DNAH5: variants seen among roughly 807,000 people sequenced by gnomAD.
The protein encoded by DNAH5 is dynein axonemal heavy chain 5, also known as axonemal beta dynein heavy chain 5.
Under a neutral mutation model 518.2 loss-of-function variants are expected in DNAH5, and 372 were observed. That is an observed-to-expected ratio of 0.72 (90% CI 0.66 to 0.78). The LOEUF (loss-of-function observed/expected upper bound fraction) is 0.78. Among genes scored for constraint, DNAH5 ranks in the 30% least tolerant of loss-of-function variants. DNAH5 has a pLI of 0.00. For synonymous variants in DNAH5, 2,039 were observed against 2,025.9 expected, an observed-to-expected ratio of 1.01 and a Z score of -0.17; for missense variants, 5,523 against 5,687.0, an observed-to-expected ratio of 0.97 and a Z score of 0.93.
At chr5:13,737,697 G>C (rs1365868854) in intron 65 of DNAH5, among the ~76,000 whole-genome samples, 1 of 152,028 alleles carries the variant, frequency 6.6e-6, no homozygotes, top group East Asian at 1.9e-4. Flanking sequence ...GGCAGAGGCG[G>C]GTGGATCATT....
chr5:13,782,867 G>T (rs1434245273), intron 52 of DNAH5, among the ~76,000 whole-genome samples: 1 of 152,116 alleles, frequency 6.6e-6, no homozygotes. Context: ...GGGCTATTTT[G>T]TCCTGTTATA....
chr5:13,775,587 CT>C (rs2126806349), intron 55 of DNAH5, among the ~76,000 whole-genome samples: 1 of 152,182 alleles, frequency 6.6e-6, no homozygotes, highest in African/African-American at 2.4e-5. Flanking sequence ...ATCCCACTAA[CT>C]TTTTCCACCT....
intron 65 of DNAH5, among the ~76,000 whole-genome samples, chr5:13,748,144 C>T (rs1296204880): frequency 1.3e-5 from 2 of 152,134 alleles, no homozygotes; most frequent in African/African-American, 4.8e-5. Flanking sequence ...GAATCCTTTC[C>T]CCATTGCTTG....
At chr5:13,964,647 C>T (rs1781412148) in intron 1 of DNAH5, among the ~76,000 whole-genome samples, 1 of 152,150 alleles carries the variant, frequency 6.6e-6, no homozygotes, top group South Asian at 2.1e-4. Flanking sequence ...GATCAGTGGA[C>T]CCGAGTAAAG....
At chr5:13,935,055 G>C (rs1460705427) in intron 1 of DNAH5, among the ~76,000 whole-genome samples, 1 of 152,134 alleles carries the variant, frequency 6.6e-6, no homozygotes, top group Admixed American at 6.5e-5. Context: ...AGGTCAACCA[G>C]GGAGCCAGGA....
At chr5:14,010,062 T>C (rs1785006161) in intron 1 of DNAH5, among the ~76,000 whole-genome samples, 1 of 152,226 alleles carries the variant, frequency 6.6e-6, no homozygotes, top group Non-Finnish European at 1.5e-5. Context: ...TTCTGCTTTC[T>C]ATAGATATTT....
intron 1 of DNAH5, among the ~76,000 whole-genome samples, chr5:13,934,548 T>C (rs1459921316): frequency 2.0e-5 from 3 of 152,166 alleles, no homozygotes; most frequent in Non-Finnish European, 4.4e-5. Context: ...ATGCTGAATA[T>C]AAACTACTTT....
intron 72 of DNAH5, among the ~76,000 whole-genome samples, chr5:13,718,628 G>A (rs1679579702): frequency 6.6e-6 from 1 of 152,050 alleles, no homozygotes; most frequent in Admixed American, 6.6e-5. Context: ...TATTAATTAT[G>A]TCTAGCTGGA....
chr5:13,841,905 CTA>C lies in DNAH5; in HGVS notation c.5272-3_5272-2del. 1 of 721,694 alleles carries C rather than the reference CTA, an allele frequency of 1.4e-6. No homozygotes were observed. The highest frequency in any genetic ancestry group is 2.3e-6 in the Non-Finnish European group (1 of 438,098). The allele number at this position is 721,694 out of a possible 1,614,324, so 44.7% of individuals were successfully genotyped here. On this transcript the variant is annotated splice_acceptor_variant and splice_polypyrimidine_tract_variant and intron_variant, in intron 32 of 78. Transcript: ENST00000265104. LOFTEE classifies it high-confidence loss of function. The stretch of plus-strand genomic sequence containing the variant: ...AAATTGACAGAATTCGATCATAGAT[CTA>C]TGTTAGAAACCAAAAAAAAAAAAAA...
At chr5:13,911,663 T>C (rs1478802860) in intron 11 of DNAH5, among the ~76,000 whole-genome samples, 170 bp from the exon 12 acceptor site, 1 of 152,190 alleles carries the variant, frequency 6.6e-6, no homozygotes, top group East Asian at 1.9e-4. Context: ...TTACAGGCAG[T>C]ATAAGGTTGC....
intron 69 of DNAH5, 24 bp from the exon 70 acceptor site, chr5:13,727,680 C>G (rs371082713): frequency 6.2e-7 from 1 of 1,613,514 alleles, no homozygotes; most frequent in Non-Finnish European, 8.5e-7. Flanking sequence ...GGGATAAAAA[C>G]TGTGTCATGC....
intron 1 of DNAH5, among the ~76,000 whole-genome samples, chr5:14,000,680 T>C (rs1475081666): frequency 1.3e-5 from 2 of 150,342 alleles, no homozygotes; most frequent in East Asian, 1.9e-4. Flanking sequence ...GAAAAGGGAA[T>C]GCTTATTAGA....
intron 1 of DNAH5, among the ~76,000 whole-genome samples, chr5:13,999,715 G>A (rs1276435277): frequency 6.6e-6 from 1 of 152,174 alleles, no homozygotes; most frequent in Admixed American, 6.5e-5. Flanking sequence ...CCAGAAATGA[G>A]GGGTGCCTGG....
intron 78 of DNAH5, among the ~76,000 whole-genome samples, chr5:13,698,522 G>A (rs919877575): frequency 6.6e-5 from 10 of 152,156 alleles, no homozygotes; most frequent in Middle Eastern, 3.2e-3. Flanking sequence ...TTCTGTTTAA[G>A]GATATCTTTT....
intron 55 of DNAH5, among the ~76,000 whole-genome samples, chr5:13,774,591 G>A (rs866414493): frequency 6.6e-6 from 1 of 152,108 alleles, no homozygotes; most frequent in Non-Finnish European, 1.5e-5. Flanking sequence ...GTCTTGTCTT[G>A]AGTCTGTCCA....
intron 70 of DNAH5, among the ~76,000 whole-genome samples, chr5:13,724,970 C>T (rs371687758): frequency 3.1e-4 from 47 of 152,256 alleles, no homozygotes; most frequent in African/African-American, 8.2e-4. Context: ...TTTATAGCAA[C>T]GCACAAACTA....
rs795515 is a variant in DNAH5, at chr5:13,852,226, G to A, written c.4951-1411C>T. The stretch of plus-strand genomic sequence containing the variant: ...CTTTTTGCCCAGGCTGGAGTGCAAC[G>A]GTGTGATCTCAGCTCACTGCAACCT... On this transcript the variant is annotated intron_variant, in intron 30 of 78. Coordinates refer to ENST00000265104, the MANE Select transcript of DNAH5 (RefSeq NM_001369.3). Among the ~76,000 whole-genome samples the A allele has an allele frequency of 2.6e-5, 4 of 152,152 alleles. No homozygotes were observed. The East Asian group carries it at 5.8e-4, about 22-fold the overall frequency.
intron 30 of DNAH5, among the ~76,000 whole-genome samples, chr5:13,852,206 T>C: frequency 6.6e-6 from 1 of 152,160 alleles, no homozygotes; most frequent in Non-Finnish European, 1.5e-5. Flanking sequence ...TCGCTCTTTT[T>C]GCCCAGGCTG....
intron 2 of DNAH5, among the ~76,000 whole-genome samples, 184 bp downstream of exon 2, chr5:13,930,926 C>T (rs1008893858): frequency 2.0e-5 from 3 of 152,228 alleles, no homozygotes; most frequent in African/African-American, 7.2e-5. Flanking sequence ...CCCTATTCAA[C>T]ATGGAGAGCT....
Sources: allele counts gnomAD v4.1 joint callset (sites outside exome capture counted in the v4.1 genomes callset), GRCh38; gene constraint gnomAD v4.1.1; transcripts MANE v1.5; gene names NCBI Gene and HGNC (gene_info 2026-07-23, HGNC 2026-07-21).